APBB2: variants seen among roughly 807,000 people sequenced by gnomAD.
The protein encoded by APBB2 is Fe65-like 1.
Under a neutral mutation model 82.5 loss-of-function variants are expected in APBB2, and 38 were observed. The ratio of observed to expected loss-of-function variants is 0.46; its 90% CI spans 0.36 to 0.60. The LOEUF is 0.60. APBB2 is among the 20% of genes least tolerant of loss of function. The pLI is 0.00. For synonymous variants in APBB2, 341 were observed against 368.2 expected, an observed-to-expected ratio of 0.93 and a Z score of 0.85; for missense variants, 772 against 972.3, an observed-to-expected ratio of 0.79 and a Z score of 2.74.
At chr4:40,849,689 T>G (rs865842994) in intron 12 of APBB2, among the ~76,000 whole-genome samples, 15 of 151,678 alleles carry the variant, frequency 9.9e-5, no homozygotes, top group Non-Finnish European at 1.8e-4. Context: ...TGATACAGTT[T>G]GAAAGAATAT....
chr4:40,952,688 A>G (rs1790528556), intron 6 of APBB2, among the ~76,000 whole-genome samples: 1 of 152,224 alleles, frequency 6.6e-6, no homozygotes, highest in Admixed American at 6.5e-5. Flanking sequence ...GTTTTCATAC[A>G]TATCGCTGCA....
intron 10 of APBB2, among the ~76,000 whole-genome samples, chr4:40,908,758 G>A (rs1023923352): frequency 3.3e-5 from 5 of 152,266 alleles, no homozygotes; most frequent in Admixed American, 6.5e-5. Flanking sequence ...GGCTGGTCCC[G>A]AGGCTTCTCA....
intron 6 of APBB2, among the ~76,000 whole-genome samples, chr4:40,995,963 C>A (rs184715024): frequency 6.6e-6 from 1 of 152,312 alleles, no homozygotes; most frequent in Non-Finnish European, 1.5e-5. Flanking sequence ...AGCCACCGTG[C>A]CCCGCCATGG....
Position 41,128,000 on chromosome 4 carries a change from AACCC to A in APBB2, c.-261+14983_-261+14986del, listed in dbSNP as rs1369827944. 6.6e-6 allele frequency among the ~76,000 whole-genome samples: 1 copy of A among 152,160 alleles called. No homozygotes were observed. The highest frequency in any genetic ancestry group is 1.5e-5 in the Non-Finnish European group (1 of 68,016). Reference sequence around the variant, plus strand: ...GAGACTGAAGCATGAGAATCGCTTGAACCCAGGAGGCGGAGATTGCAGTATGCCA... The same window carrying A: ...GAGACTGAAGCATGAGAATCGCTTGAAGGAGGCGGAGATTGCAGTATGCCA... On this transcript the variant is annotated intron_variant, in intron 2 of 17. Transcript: ENST00000508593. The surrounding 1 kb of genome is among the most constrained non-coding windows in gnomAD (Gnocchi z 4.8).
intron 12 of APBB2, among the ~76,000 whole-genome samples, chr4:40,885,795 G>T (rs1560792969): frequency 6.6e-6 from 1 of 152,178 alleles, no homozygotes; most frequent in Non-Finnish European, 1.5e-5. Flanking sequence ...CCATGTGATT[G>T]TGTTTCCACC....
chr4:40,974,863 A>G (rs1796770564), intron 6 of APBB2, among the ~76,000 whole-genome samples: 1 of 152,234 alleles, frequency 6.6e-6, no homozygotes, highest in Non-Finnish European at 1.5e-5. Flanking sequence ...GGGCATGTGC[A>G]TTGATGCTCA....
chr4:41,038,674 G>A (rs1487487259), intron 4 of APBB2, among the ~76,000 whole-genome samples: 2 of 152,052 alleles, frequency 1.3e-5, no homozygotes, highest in East Asian at 1.9e-4. Context: ...TACTTCCCTA[G>A]AAACTCAATG....
At position 40,814,784 on chromosome 4, in the gene APBB2, C is replaced by T. The variant is rs1386729336; in HGVS notation, c.*1308G>A. ...TCCAGCTAAGTTTCTCACCTACATA[C>T]GAAGGAGCAGGAAAATGCTGTTTTG... On this transcript the variant is annotated 3_prime_UTR_variant, in exon 18 of 18. Coordinates refer to ENST00000508593, the MANE Select transcript of APBB2 (RefSeq NM_004307.2). The T allele has an allele frequency of 3.9e-5, 6 of 152,218 alleles. No individual in the cohort carries two copies. Among genetic ancestry groups the T allele is most frequent in the South Asian group, 2.1e-4 (1 of 4,824 alleles). 9.4% of individuals were successfully genotyped at this position (152,218 alleles called of 1,614,324 possible). A position where few individuals can be genotyped will look rare whatever the true frequency, so the allele number is the denominator to read the frequency against.
intron 6 of APBB2, among the ~76,000 whole-genome samples, chr4:40,956,368 A>G (rs1355298497): frequency 1.3e-5 from 2 of 152,210 alleles, no homozygotes; most frequent in African/African-American, 4.8e-5. Context: ...ATCGGCAGAA[A>G]CACTGACTAT....
chr4:40,995,102 A>G (rs776427120), intron 6 of APBB2, among the ~76,000 whole-genome samples: 1 of 152,078 alleles, frequency 6.6e-6, no homozygotes, highest in Non-Finnish European at 1.5e-5. Context: ...GACCATTTAA[A>G]TATTTGATTC....
intron 6 of APBB2, 40 bp from the exon 7 acceptor site, chr4:40,945,113 A>C: frequency 8.1e-6 from 11 of 1,363,310 alleles, no homozygotes; most frequent in East Asian, 2.6e-5. Flanking sequence ...GAAAGAGAGA[A>C]TTTTATTAAA....
chr4:40,868,971 CAAT>C (rs781329385), intron 12 of APBB2, among the ~76,000 whole-genome samples: 19 of 152,146 alleles, frequency 1.2e-4, no homozygotes, highest in African/African-American at 3.4e-4. Context: ...ACTAAAAGAT[CAAT>C]AATATTTATT....
chr4:41,006,755 C>T (rs111888940), intron 6 of APBB2, among the ~76,000 whole-genome samples: 9 of 152,172 alleles, frequency 5.9e-5, no homozygotes, highest in East Asian at 3.9e-4. Flanking sequence ...TGTGAGCCAC[C>T]GCGCCCAGCC....
intron 12 of APBB2, among the ~76,000 whole-genome samples, chr4:40,846,364 A>G (rs1577917941): frequency 6.6e-6 from 1 of 151,498 alleles, no homozygotes; most frequent in East Asian, 1.9e-4. Flanking sequence ...CAGACTCACA[A>G]TTTTATACAC....
At position 40,810,997 on chromosome 4, in the gene APBB2, G is replaced by GTA. The variant is rs1744287183; in HGVS notation, c.*5093_*5094dup. ...GGTCTTGAGATTTTTATTTTCAAGT[G>GTA]TATTTTCTGTGATGTTGTCTCATTG... is the stretch of plus-strand genomic sequence containing the variant. On this transcript the variant is annotated 3_prime_UTR_variant, in exon 18 of 18. Coordinates refer to ENST00000508593, the MANE Select transcript of APBB2 (RefSeq NM_004307.2). The GTA allele has an allele frequency of 6.6e-6, 1 of 152,186 alleles. No homozygotes were observed. 9.4% of individuals were successfully genotyped at this position (152,186 alleles called of 1,614,324 possible). A position where few individuals can be genotyped will look rare whatever the true frequency, so the allele number is the denominator to read the frequency against.
At position 40,832,629 on chromosome 4, in the gene APBB2, C is replaced by T. The variant is rs1865607; in HGVS notation, c.1530-2052G>A. 0.76 allele frequency among the ~76,000 whole-genome samples: 115,296 copies of T among 152,016 alleles called. 43,979 individuals carry two copies. Among genetic ancestry groups the T allele is most frequent in the Admixed American group, 0.8 (12,149 of 15,272 alleles). ...CACGCAGCCATTCTAAGCTGCTCTT[C>T]GCCTCCCTGCCTGTGCTCAGGCCAT... On this transcript the variant is annotated intron_variant, in intron 12 of 17. Transcript: ENST00000508593. The surrounding 1 kb of genome is among the most constrained non-coding windows in gnomAD (Gnocchi z 4.8).
intron 2 of APBB2, among the ~76,000 whole-genome samples, chr4:41,126,092 C>G (rs1043611900): frequency 6.6e-6 from 1 of 151,718 alleles, no homozygotes; most frequent in African/African-American, 2.4e-5. Flanking sequence ...CAAAAATGAT[C>G]AGAAAGGCCA....
intron 1 of APBB2, among the ~76,000 whole-genome samples, chr4:41,143,664 G>A (rs1452956320): frequency 1.3e-5 from 2 of 152,104 alleles, no homozygotes; most frequent in African/African-American, 4.8e-5. Context: ...CACATAAGTG[G>A]GGGCTATAAA....
chr4:40,908,244 T>C (rs1201189508), intron 10 of APBB2, among the ~76,000 whole-genome samples: 1 of 152,106 alleles, frequency 6.6e-6, no homozygotes, highest in African/African-American at 2.4e-5. Context: ...CACAGTGACC[T>C]TGGGCTCCCA....
Sources: allele counts gnomAD v4.1 joint callset (sites outside exome capture counted in the v4.1 genomes callset), GRCh38; gene constraint gnomAD v4.1.1; non-coding constraint Gnocchi (gnomAD v3.1); transcripts MANE v1.5; gene names NCBI Gene and HGNC (gene_info 2026-07-23, HGNC 2026-07-21).